NRAP: variants seen among roughly 807,000 people sequenced by gnomAD.
NRAP encodes the protein nebulin related anchoring protein, also known as nebulin-related-anchoring protein.
In NRAP, 189 loss-of-function variants were observed where a neutral mutation model predicts 225.9. That is an observed-to-expected ratio of 0.84 (90% CI 0.74 to 0.94). NRAP has a LOEUF of 0.94. Ranked by LOEUF, NRAP falls within the 40% of genes least tolerant of loss-of-function variation. The pLI is 0.00. For missense variants in NRAP, 2,176 were observed against 2,168.7 expected (o/e 1.00, Z -0.07); for synonymous variants, 769 against 790.7 (o/e 0.97, Z 0.46).
chr10:113,595,599 T>G (rs1319286546), intron 38 of NRAP, 24 bp downstream of exon 38: 5 of 1,466,156 alleles, frequency 3.4e-6, no homozygotes, highest in Middle Eastern at 1.7e-4. Context: ...GGGCACACGT[T>G]CCATGAACCA....
At chr10:113,619,779 T>C (rs1407438895) in intron 25 of NRAP, among the ~76,000 whole-genome samples, 5 of 152,134 alleles carry the variant, frequency 3.3e-5, no homozygotes. Context: ...CAAGTCTCCC[T>C]GCAAGCAAAC....
intron 14 of NRAP, among the ~76,000 whole-genome samples, chr10:113,634,623 A>C (rs1848759281): frequency 6.6e-6 from 1 of 152,238 alleles, no homozygotes; most frequent in Non-Finnish European, 1.5e-5. Flanking sequence ...GCAGATTGGT[A>C]CAACCACTTT....
intron 26 of NRAP, among the ~76,000 whole-genome samples, chr10:113,616,263 A>T (rs1027186842): frequency 2.0e-5 from 3 of 152,098 alleles, no homozygotes; most frequent in African/African-American, 7.2e-5. Context: ...CCCCTAAGAC[A>T]TGTCTCCTGG....
intron 4 of NRAP, 134 bp downstream of exon 4, chr10:113,657,336 T>C (rs953932084): frequency 6.4e-6 from 4 of 624,930 alleles, no homozygotes; most frequent in Admixed American, 2.7e-5. Flanking sequence ...AGGTCTTCCA[T>C]AGACAGCTGG....
Position 113,592,379 on chromosome 10 carries a change from T to C in NRAP, c.4537-78A>G, listed in dbSNP as rs969172960. The C allele has an allele frequency of 2.9e-5, 28 of 955,550 alleles. No homozygotes were observed. In the South Asian group the frequency reaches 4.2e-4, roughly 14 times the overall value. 59.2% of individuals were successfully genotyped at this position (955,550 alleles called of 1,614,324 possible). ...CCATGTTGCTGGTACTCAGCAGGAGTGGTTCTTAACCTTTGTTGGTTCCTA... is the reference window on the plus strand; with the variant it reads ...CCATGTTGCTGGTACTCAGCAGGAGCGGTTCTTAACCTTTGTTGGTTCCTA... On this transcript the variant is annotated intron_variant, in intron 38 of 41. Transcript: ENST00000359988.
chr10:113,624,455 G>A (rs1440894341), intron 22 of NRAP, among the ~76,000 whole-genome samples: 1 of 152,136 alleles, frequency 6.6e-6, no homozygotes. Context: ...ATTTGCCCAA[G>A]GTCACACACC....
chr10:113,622,668 T>C (rs1209099876), intron 23 of NRAP, among the ~76,000 whole-genome samples: 4 of 152,196 alleles, frequency 2.6e-5, no homozygotes, highest in Admixed American at 6.5e-5. Flanking sequence ...AACATTATCA[T>C]TGCTCTGGCC....
intron 4 of NRAP, among the ~76,000 whole-genome samples, chr10:113,656,068 G>A (rs535914593): frequency 8.5e-5 from 13 of 152,086 alleles, no homozygotes; most frequent in African/African-American, 2.9e-4. Flanking sequence ...CCTCCCTTTC[G>A]GAATTCAAGA....
rs888158593 is a variant in NRAP at position 113,588,720 on chromosome 10, G to A, written c.*255C>T. The A allele has an allele frequency of 4.0e-5, 22 of 548,862 alleles. No individual in the cohort carries two copies. The highest frequency in any genetic ancestry group is 3.2e-4 in the African/African-American group (17 of 53,084). The allele number at this position is 548,862 out of a possible 1,614,324, so 34.0% of individuals were successfully genotyped here. ...GACTCCAGAATCCCCAGCATCAGCG[G>A]GAACCACCATCACATCTTTATTCCT... is the stretch of plus-strand genomic sequence containing the variant. On this transcript the variant is annotated 3_prime_UTR_variant, in exon 42 of 42. Coordinates refer to ENST00000359988, the MANE Select transcript of NRAP (RefSeq NM_198060.4).
chr10:113,588,796 A>C lies in NRAP; in HGVS notation c.*179T>G. On this transcript the variant is annotated 3_prime_UTR_variant, in exon 42 of 42. Transcript: ENST00000359988. The stretch of plus-strand genomic sequence containing the variant: ...CAGAATCAGCCATCCACGTCTAGGT[A>C]TCAGAGAGGACCACAAATACAACAT... 1 of 609,144 alleles carries C rather than the reference A, an allele frequency of 1.6e-6. No homozygotes were observed. Among genetic ancestry groups the C allele is most frequent in the Non-Finnish European group, 2.9e-6 (1 of 342,582 alleles). 37.7% of individuals were successfully genotyped at this position (609,144 alleles called of 1,614,324 possible).
At chr10:113,631,714 T>G in intron 17 of NRAP, 104 bp from the exon 18 acceptor site, 3 of 895,558 alleles carry the variant, frequency 3.3e-6, no homozygotes, top group South Asian at 3.0e-5. Context: ...AAAAAACACC[T>G]CCCAGTCTTT....
chr10:113,649,584 A>G (rs1336003464), intron 9 of NRAP, among the ~76,000 whole-genome samples: 10 of 152,332 alleles, frequency 6.6e-5, no homozygotes. Flanking sequence ...ATTCTCTGGC[A>G]TACTGATTTA....
At chr10:113,605,621 A>T in intron 34 of NRAP, 141 bp downstream of exon 34, 1 of 640,158 alleles carries the variant, frequency 1.6e-6, no homozygotes. Context: ...AATCTCATTC[A>T]TAACTAATAT....
intron 30 of NRAP, among the ~76,000 whole-genome samples, chr10:113,611,582 T>C (rs1847325670): frequency 6.6e-6 from 1 of 151,990 alleles, no homozygotes; most frequent in Non-Finnish European, 1.5e-5. Context: ...GGATCACGAG[T>C]GAGAAATGCA....
At chr10:113,601,892 AT>A (rs1484920235) in intron 35 of NRAP, among the ~76,000 whole-genome samples, 2 of 151,928 alleles carry the variant, frequency 1.3e-5, no homozygotes, top group African/African-American at 4.8e-5. Flanking sequence ...CTTTCTTTTT[AT>A]TTTTTTGAGA....
At chr10:113,651,543 C>T (rs1849968964) in intron 7 of NRAP, among the ~76,000 whole-genome samples, 1 of 152,096 alleles carries the variant, frequency 6.6e-6, no homozygotes, top group Non-Finnish European at 1.5e-5. Flanking sequence ...TCCCTGTGTC[C>T]ATGTGTTCTC....
At chr10:113,629,481 T>C in intron 19 of NRAP, 107 bp downstream of exon 19, 1 of 779,126 alleles carries the variant, frequency 1.3e-6, no homozygotes, top group Non-Finnish European at 2.1e-6. Flanking sequence ...CAGTTCTTCC[T>C]AGTCTTCCAA....
At chr10:113,642,754 T>G (rs1232548739) in intron 12 of NRAP, among the ~76,000 whole-genome samples, 180 bp downstream of exon 12, 1 of 152,144 alleles carries the variant, frequency 6.6e-6, no homozygotes, top group Non-Finnish European at 1.5e-5. Context: ...TGTGACAGAA[T>G]TGAACACTAT....
intron 14 of NRAP, among the ~76,000 whole-genome samples, chr10:113,636,989 A>T (rs930611484): frequency 7.1e-6 from 1 of 140,084 alleles, no homozygotes; most frequent in African/African-American, 2.7e-5. Context: ...CCTGGGTGAC[A>T]GAGCAAGACT....
Sources: gnomAD v4.1 joint callset for allele counts (sites outside exome capture counted in the v4.1 genomes callset) on GRCh38, gnomAD v4.1.1 for gene constraint, MANE v1.5 for transcripts, NCBI Gene and HGNC (gene_info 2026-07-23, HGNC 2026-07-21) for gene names.